CREB5: variants seen among roughly 807,000 people sequenced by gnomAD.
The protein encoded by CREB5 is cyclic AMP-responsive element-binding protein 5.
CREB5 carries 19 observed loss-of-function variants against 57.1 expected under a neutral mutation model. That is an observed-to-expected ratio of 0.33 (90% CI 0.23 to 0.49). The LOEUF is 0.49. Ranked by LOEUF, CREB5 falls within the 20% of genes least tolerant of loss-of-function variation. The pLI is 0.99. For synonymous variants in CREB5, 238 were observed against 238.3 expected (o/e 1.00, Z 0.01); for missense variants, 579 against 671.6 (o/e 0.86, Z 1.52).
intron 5 of CREB5, among the ~76,000 whole-genome samples, chr7:28,628,722 AT>A (rs1798094954): frequency 6.6e-6 from 1 of 152,170 alleles, no homozygotes; most frequent in Admixed American, 6.5e-5. Flanking sequence ...ATTGATTTTC[AT>A]GTAACATTTA....
intron 5 of CREB5, among the ~76,000 whole-genome samples, chr7:28,706,281 G>A (rs890545926): frequency 1.3e-5 from 2 of 152,144 alleles, no homozygotes; most frequent in Non-Finnish European, 2.9e-5. Flanking sequence ...GCTTGAACCT[G>A]GGGGAAAGAG....
chr7:28,519,525 C>T (rs1013088952), intron 4 of CREB5, among the ~76,000 whole-genome samples: 2 of 99,444 alleles, frequency 2.0e-5, no homozygotes, highest in Non-Finnish European at 4.8e-5. Flanking sequence ...GTTGATTTAC[C>T]CTTGGTGGTA....
intron 1 of CREB5, among the ~76,000 whole-genome samples, chr7:28,375,164 C>T (rs1033313783): frequency 6.6e-6 from 1 of 152,116 alleles, no homozygotes; most frequent in Admixed American, 6.6e-5. Flanking sequence ...TTACCTAAGA[C>T]CTCCTTAGAA....
At chr7:28,656,251 AAAAAT>A (rs1272200563) in intron 5 of CREB5, among the ~76,000 whole-genome samples, 4 of 152,224 alleles carry the variant, frequency 2.6e-5, no homozygotes, top group African/African-American at 9.6e-5. Flanking sequence ...TATTTCAACT[AAAAAT>A]AAAAACAACA....
intron 1 of CREB5, among the ~76,000 whole-genome samples, chr7:28,465,386 T>C (rs1197175989): frequency 6.6e-6 from 1 of 152,200 alleles, no homozygotes; most frequent in Admixed American, 6.5e-5. Context: ...ACCTATTCTT[T>C]GGAAATAACC....
chr7:28,734,924 A>G (rs2128753213), intron 7 of CREB5, among the ~76,000 whole-genome samples: 1 of 152,262 alleles, frequency 6.6e-6, no homozygotes, highest in South Asian at 2.1e-4. Flanking sequence ...TTTAAGGTGA[A>G]GGTGATTTTT....
chr7:28,356,906 G>A (rs923512300), intron 1 of CREB5, among the ~76,000 whole-genome samples: 1 of 152,140 alleles, frequency 6.6e-6, no homozygotes, highest in African/African-American at 2.4e-5. Flanking sequence ...CTTTCCTGGG[G>A]GTTAACAGTG....
rs1003307331 is a variant in CREB5 at position 28,535,087 on chromosome 7, G to C, written c.291+27350G>C. 1.2e-4 allele frequency among the ~76,000 whole-genome samples: 17 copies of C among 140,898 alleles called. 2 individuals are homozygous for C. Among genetic ancestry groups the C allele is most frequent in the African/African-American group, 4.4e-4 (17 of 38,332 alleles). 92.4% of individuals were successfully genotyped at this position (140,898 alleles called of 152,430 possible). ...GTGAATTAGGCAATGGGATATTGTG[G>C]CCCCTTTGCTGTCCCATGGTCACCC... On this transcript the variant is annotated intron_variant, in intron 4 of 10. Transcript: ENST00000357727.
chr7:28,519,715 C>G (rs1793126049), intron 4 of CREB5, among the ~76,000 whole-genome samples: 2 of 152,232 alleles, frequency 1.3e-5, no homozygotes, highest in Non-Finnish European at 2.9e-5. Flanking sequence ...TAGACCACAA[C>G]TGCTCAGTGC....
At chr7:28,505,198 ACACACG>A (rs1173337884) in intron 3 of CREB5, among the ~76,000 whole-genome samples, 2 of 118,542 alleles carry the variant, frequency 1.7e-5, no homozygotes, top group Non-Finnish European at 4.1e-5. Context: ...GCACGTGCAC[ACACACG>A]CACACACACA....
intron 7 of CREB5, among the ~76,000 whole-genome samples, chr7:28,790,881 A>G (rs989437): frequency 0.6 from 91,466 of 152,084 alleles, 28,071 homozygotes; most frequent in African/African-American, 0.65. Context: ...TAGACCTGCC[A>G]TCACCATTTC....
intron 7 of CREB5, among the ~76,000 whole-genome samples, chr7:28,734,879 G>C (rs185212641): frequency 6.6e-6 from 1 of 151,910 alleles, no homozygotes; most frequent in East Asian, 1.9e-4. Flanking sequence ...ATATTTTTTG[G>C]CCGCTTGATT....
chr7:28,741,723 G>A (rs543896884), intron 7 of CREB5, among the ~76,000 whole-genome samples: 10 of 152,178 alleles, frequency 6.6e-5, no homozygotes, highest in African/African-American at 1.9e-4. Context: ...TTTAGCAAGG[G>A]CACGGATCTC....
At chr7:28,321,928 G>A (rs1785501721) in intron 1 of CREB5, among the ~76,000 whole-genome samples, 2 of 152,160 alleles carry the variant, frequency 1.3e-5, no homozygotes, top group South Asian at 4.1e-4. Context: ...AGCAATCAAC[G>A]AAATCCCATT....
At chr7:28,691,104 A>G (rs962243373) in intron 5 of CREB5, among the ~76,000 whole-genome samples, 1 of 152,204 alleles carries the variant, frequency 6.6e-6, no homozygotes. Context: ...TGAGAACTGA[A>G]TTCTATTCCT....
At position 28,579,012 on chromosome 7, in the gene CREB5, G is replaced by A. The variant is rs1208946557; in HGVS notation, c.464+8475G>A. Among the ~76,000 whole-genome samples the A allele has an allele frequency of 4.6e-5, 7 of 152,334 alleles. No homozygotes were observed. The South Asian group carries it at 8.3e-4, about 18-fold the overall frequency. ...GATGGAATCCTATTTCAATGAGGCA[G>A]TGCAACATCATTGCTCTAGGGATAG... On this transcript the variant is annotated intron_variant, in intron 5 of 10. Coordinates refer to ENST00000357727, the MANE Select transcript of CREB5 (RefSeq NM_182898.4).
intron 1 of CREB5, among the ~76,000 whole-genome samples, chr7:28,329,772 A>G (rs1029097978): frequency 6.6e-6 from 1 of 152,244 alleles, no homozygotes; most frequent in Non-Finnish European, 1.5e-5. Context: ...GGCACCTTAC[A>G]GTGTTAACAG....
intron 1 of CREB5, among the ~76,000 whole-genome samples, chr7:28,372,208 A>C (rs945460813): frequency 6.6e-6 from 1 of 152,230 alleles, no homozygotes; most frequent in Non-Finnish European, 1.5e-5. Flanking sequence ...AGGCAGATAC[A>C]TACATTACTA....
At chr7:28,351,184 C>T (rs1786178194) in intron 1 of CREB5, among the ~76,000 whole-genome samples, 1 of 152,162 alleles carries the variant, frequency 6.6e-6, no homozygotes, top group Non-Finnish European at 1.5e-5. Context: ...GTGAAAATGG[C>T]ATTTTCAATT....
Sources: allele counts gnomAD v4.1 joint callset (sites outside exome capture counted in the v4.1 genomes callset), GRCh38; gene constraint gnomAD v4.1.1; transcripts MANE v1.5; gene names NCBI Gene and HGNC (gene_info 2026-07-23, HGNC 2026-07-21).